The following SPATS2L variants were observed in gnomAD, a reference collection of about 807,000 sequenced individuals.
SPATS2L encodes the protein SPATS2-like protein.
In SPATS2L, 30 loss-of-function variants were observed where a neutral mutation model predicts 59.6. The ratio of observed to expected loss-of-function variants is 0.50; its 90% CI spans 0.38 to 0.68. SPATS2L has a LOEUF of 0.68. Ranked by LOEUF, SPATS2L falls within the 30% of genes least tolerant of loss-of-function variation. The pLI, the probability that SPATS2L is intolerant of heterozygous loss-of-function variation, is 0.00. For synonymous variants in SPATS2L, 252 were observed against 263.5 expected, an observed-to-expected ratio of 0.96 and a Z score of 0.42; for missense variants, 615 against 700.0, an observed-to-expected ratio of 0.88 and a Z score of 1.37.
At chr2:200,350,108 A>C (rs1259867942) in intron 2 of SPATS2L, among the ~76,000 whole-genome samples, 1 of 152,162 alleles carries the variant, frequency 6.6e-6, no homozygotes, top group African/African-American at 2.4e-5. Flanking sequence ...AGGAAACCAC[A>C]TATGTCCCAC....
intron 9 of SPATS2L, 57 bp downstream of exon 9, chr2:200,459,884 T>C (rs1033743759): frequency 3.1e-6 from 4 of 1,274,752 alleles, no homozygotes; most frequent in Non-Finnish European, 4.5e-6. Context: ...AAGCAATCCA[T>C]AGGTCAGACT....
At chr2:200,416,918 C>T (rs1255670348) in intron 5 of SPATS2L, among the ~76,000 whole-genome samples, 2 of 152,116 alleles carry the variant, frequency 1.3e-5, no homozygotes, top group Non-Finnish European at 2.9e-5. Flanking sequence ...AAGAAAATGC[C>T]TTAGAACCAT....
In SPATS2L at chr2:200,321,460, G is replaced by A. The variant is rs2079557604; in HGVS notation, c.-72-7971G>A. ...GTTCTTGGACCATAGCATATGCTCA[G>A]CAAATGTGAACTATTTTTATTATGC... On this transcript the variant is annotated intron_variant, in intron 1 of 12. Transcript: ENST00000409140. 4.6e-5 allele frequency among the ~76,000 whole-genome samples: 7 copies of A among 152,252 alleles called. No individual in the cohort carries two copies. In the South Asian group the frequency reaches 1.5e-3, roughly 32 times the overall value.
chr2:200,384,035 A>G (rs2105915517), intron 2 of SPATS2L: 1 of 997,644 alleles, frequency 1.0e-6, no homozygotes, highest in East Asian at 1.1e-4. Context: ...CATTGATAGA[A>G]CTTTGCATGT....
chr2:200,321,643 T>G (rs1363122936), intron 1 of SPATS2L, among the ~76,000 whole-genome samples: 2 of 152,204 alleles, frequency 1.3e-5, no homozygotes, highest in East Asian at 1.9e-4. Flanking sequence ...TTTATTGTGA[T>G]CACAAAGAAC....
chr2:200,326,797 G>A (rs1315916632), intron 1 of SPATS2L, among the ~76,000 whole-genome samples: 5 of 151,616 alleles, frequency 3.3e-5, no homozygotes, highest in Non-Finnish European at 5.9e-5. Flanking sequence ...GTACAATCTC[G>A]GCTTACTGCA....
Position 200,321,642 on chromosome 2 carries a change from A to T in SPATS2L, c.-72-7789A>T, listed in dbSNP as rs116147876. 3.7e-3 allele frequency among the ~76,000 whole-genome samples: 560 copies of T among 152,328 alleles called. 5 individuals carry two copies. Among genetic ancestry groups the T allele is most frequent in the African/African-American group, 0.013 (527 of 41,574 alleles). On this transcript the variant is annotated intron_variant, in intron 1 of 12. Coordinates refer to ENST00000409140, the MANE Select transcript of SPATS2L (RefSeq NM_001100423.2). ...GATAAACAATTTTTAATTTATTGTG[A>T]TCACAAAGAACACCACAGCTGATAT... is the stretch of plus-strand genomic sequence containing the variant.
At chr2:200,370,695 T>C (rs1357664489) in intron 2 of SPATS2L, among the ~76,000 whole-genome samples, 3 of 152,234 alleles carry the variant, frequency 2.0e-5, no homozygotes, top group Non-Finnish European at 4.4e-5. Context: ...TGATAACCTT[T>C]TATCTCCACT....
At chr2:200,354,696 A>G (rs771957589) in intron 2 of SPATS2L, among the ~76,000 whole-genome samples, 4 of 152,120 alleles carry the variant, frequency 2.6e-5, no homozygotes, top group African/African-American at 4.8e-5. Flanking sequence ...GCGAGAGGCT[A>G]GCTGTTGCCA....
chr2:200,451,283 C>A (rs1409929437), intron 8 of SPATS2L, among the ~76,000 whole-genome samples: 1 of 151,918 alleles, frequency 6.6e-6, no homozygotes, highest in Admixed American at 6.6e-5. Context: ...ATCACACCCA[C>A]ACCGCTGCAC....
At chr2:200,409,120 G>A (rs191086253) in intron 3 of SPATS2L, among the ~76,000 whole-genome samples, 2 of 152,354 alleles carry the variant, frequency 1.3e-5, no homozygotes, top group Admixed American at 1.3e-4. Flanking sequence ...TGGCAATGAA[G>A]TAAAAGGCTG....
rs4035249 is a variant in SPATS2L at position 200,457,223 on chromosome 2, T to TAC, written c.789-2510_789-2509dup. ...AGGTTGTAAATAATGAAAACATACATACACACACACACACACACACACACA... is the reference window on the plus strand; with the variant it reads ...AGGTTGTAAATAATGAAAACATACATACACACACACACACACACACACACACA... On this transcript the variant is annotated intron_variant, in intron 8 of 12. Coordinates refer to ENST00000409140, the MANE Select transcript of SPATS2L (RefSeq NM_001100423.2). Among the ~76,000 whole-genome samples the TAC allele has an allele frequency of 5.6e-3, 830 of 148,110 alleles. 11 individuals are homozygous for TAC. The highest frequency in any genetic ancestry group is 0.023 in the East Asian group (114 of 4,984).
chr2:200,335,954 G>T (rs2080128615), intron 2 of SPATS2L, among the ~76,000 whole-genome samples: 1 of 152,262 alleles, frequency 6.6e-6, no homozygotes, highest in Admixed American at 6.5e-5. Flanking sequence ...CTTCCTAGTG[G>T]CTTCCCCACT....
At chr2:200,392,105 A>G (rs1239281164) in intron 3 of SPATS2L, among the ~76,000 whole-genome samples, 3 of 152,194 alleles carry the variant, frequency 2.0e-5, no homozygotes, top group Non-Finnish European at 4.4e-5. Flanking sequence ...CTTCAAAATG[A>G]TAAGTGTCTT....
At chr2:200,350,371 C>T (rs1023005447) in intron 2 of SPATS2L, among the ~76,000 whole-genome samples, 12 of 152,048 alleles carry the variant, frequency 7.9e-5, no homozygotes, top group African/African-American at 1.2e-4. Flanking sequence ...GGGCTTATAC[C>T]TTTTAAAAAT....
intron 2 of SPATS2L, chr2:200,383,725 C>A (rs777469848): frequency 5.3e-6 from 1 of 189,400 alleles, no homozygotes; most frequent in Non-Finnish European, 1.0e-5. Flanking sequence ...ATGAAATACC[C>A]TATTAACGGC....
At chr2:200,427,400 G>A (rs59313327) in intron 6 of SPATS2L, among the ~76,000 whole-genome samples, 1,526 of 150,664 alleles carry the variant, frequency 0.01, 20 homozygotes, top group African/African-American at 0.034. Flanking sequence ...AACCTGTTTT[G>A]CAGAGAAATA....
At chr2:200,398,783 G>A (rs778516300) in intron 3 of SPATS2L, among the ~76,000 whole-genome samples, 7 of 152,138 alleles carry the variant, frequency 4.6e-5, no homozygotes, top group Non-Finnish European at 7.4e-5. Context: ...ACTGTGCTGC[G>A]GATCAGAGAA....
chr2:200,423,378 A>G (rs2083394692), intron 6 of SPATS2L, among the ~76,000 whole-genome samples: 1 of 152,134 alleles, frequency 6.6e-6, no homozygotes, highest in African/African-American at 2.4e-5. Flanking sequence ...AGCTGTAGAC[A>G]CTCTGTACCC....
Sources: allele counts gnomAD v4.1 joint callset (sites outside exome capture counted in the v4.1 genomes callset), GRCh38; gene constraint gnomAD v4.1.1; transcripts MANE v1.5; gene names NCBI Gene and HGNC (gene_info 2026-07-23, HGNC 2026-07-21).